DSCAM: variants seen among roughly 807,000 people sequenced by gnomAD.
The protein encoded by DSCAM is cell adhesion molecule DSCAM.
A neutral mutation model predicts 217.7 loss-of-function variants in DSCAM; 47 were observed. That is an observed-to-expected ratio of 0.22 (90% CI 0.17 to 0.28). The LOEUF is 0.28. DSCAM is among the 10% of genes least tolerant of loss of function. The pLI, the probability that DSCAM is intolerant of heterozygous loss-of-function variation, is 1.00. For missense variants in DSCAM, 2,080 were observed against 2,618.3 expected, an observed-to-expected ratio of 0.79 and a Z score of 4.49; for synonymous variants, 1,056 against 1,015.3, an observed-to-expected ratio of 1.04 and a Z score of -0.76.
chr21:40,069,190 G>A (rs1322918307), intron 27 of DSCAM, among the ~76,000 whole-genome samples: 1 of 152,182 alleles, frequency 6.6e-6, no homozygotes, highest in Non-Finnish European at 1.5e-5. Context: ...AAGGCAGGAT[G>A]GTGTATAGTG....
rs1361741908 is a variant in DSCAM, at chr21:40,051,945, G to A, written c.5185+13C>T. The A allele has an allele frequency of 6.2e-7, 1 of 1,607,132 alleles. No individual in the cohort carries two copies. Among genetic ancestry groups the A allele is most frequent in the African/African-American group, 1.3e-5 (1 of 74,586 alleles). On this transcript the variant is annotated intron_variant, in intron 30 of 32. Transcript: ENST00000400454. ...TTAACACCCACACATTTTAAGCATT[G>A]TTGACCACTCACTCGTTCCCGGCCG...
intron 1 of DSCAM, among the ~76,000 whole-genome samples, chr21:40,807,837 G>T (rs933562994): frequency 6.6e-6 from 1 of 152,094 alleles, no homozygotes; most frequent in Non-Finnish European, 1.5e-5. Flanking sequence ...ATCTGTCCGA[G>T]GGGTATTTTT....
Position 40,093,779 on chromosome 21 carries a change from A to G in DSCAM, c.3792T>C (p.Val1264=), listed in dbSNP as rs763046009. The change falls in exon 21 of 33, where the codon GTT becomes GTC. Residue 1264 remains valine (V), a synonymous_variant. Coordinates refer to ENST00000400454, the MANE Select transcript of DSCAM (RefSeq NM_001389.5). ...TGCTGTTGCCTCTTCCGGCTGAAGT[A>G]ACAGCCACCACCCAGACGCTGTACT... ...NRQYSVWVVA[V]TSAGRGNSSE... is the part of the protein sequence containing the mutation. 6.2e-7 allele frequency: 1 copy of G among 1,614,024 alleles called. No homozygotes were observed. The highest frequency in any genetic ancestry group is 8.5e-7 in the Non-Finnish European group (1 of 1,179,990).
intron 3 of DSCAM, among the ~76,000 whole-genome samples, chr21:40,372,368 T>C (rs1235916442): frequency 6.6e-6 from 1 of 152,222 alleles, no homozygotes; most frequent in Non-Finnish European, 1.5e-5. Context: ...TCATTCTGTC[T>C]CCCTTTGTGT....
At chr21:40,355,027 A>C (rs1170767322) in intron 4 of DSCAM, among the ~76,000 whole-genome samples, 1 of 152,098 alleles carries the variant, frequency 6.6e-6, no homozygotes, top group South Asian at 2.1e-4. Flanking sequence ...GTTAGGGACT[A>C]AAGGGAGAGT....
At chr21:40,197,931 A>G (rs968310200) in intron 11 of DSCAM, among the ~76,000 whole-genome samples, 1 of 152,194 alleles carries the variant, frequency 6.6e-6, no homozygotes, top group African/African-American at 2.4e-5. Context: ...CCCTTATAGT[A>G]GCGGAGGAGG....
At chr21:40,117,970 CAT>C (rs1453619741) in intron 20 of DSCAM, among the ~76,000 whole-genome samples, 13 of 145,650 alleles carry the variant, frequency 8.9e-5, no homozygotes, top group Admixed American at 5.4e-4. Context: ...CACACACACA[CAT>C]ACACACACGT....
Position 40,597,500 on chromosome 21 carries a change from C to CTTTTT in DSCAM, c.508+95305_508+95309dup, listed in dbSNP as rs10530311. On this transcript the variant is annotated intron_variant, in intron 3 of 32. Coordinates refer to ENST00000400454, the MANE Select transcript of DSCAM (RefSeq NM_001389.5). ...AACCTATCTTTTTTACAGTAATAGG[C>CTTTTT]TTTTTTTTTTTTTTTTTTTTTTTGG... Among the ~76,000 whole-genome samples the CTTTTT allele has an allele frequency of 9.4e-4, 71 of 75,852 alleles. 2 individuals carry two copies. The highest frequency in any genetic ancestry group is 4.2e-3 in the East Asian group (11 of 2,620). The allele number at this position is 75,852 out of a possible 152,430, so 49.8% of individuals were successfully genotyped here. A position where few individuals can be genotyped will look rare whatever the true frequency, so the allele number is the denominator to read the frequency against.
chr21:40,757,991 T>C (rs2091292424), intron 1 of DSCAM, among the ~76,000 whole-genome samples: 1 of 152,202 alleles, frequency 6.6e-6, no homozygotes, highest in Non-Finnish European at 1.5e-5. Flanking sequence ...GAGGTCATAC[T>C]GGATTACAAT....
At chr21:40,826,369 T>G (rs1019166598) in intron 1 of DSCAM, among the ~76,000 whole-genome samples, 1 of 149,820 alleles carries the variant, frequency 6.7e-6, no homozygotes, top group African/African-American at 2.5e-5. Flanking sequence ...GTGGAGGGGG[T>G]GGGGTGGGCC....
intron 10 of DSCAM, among the ~76,000 whole-genome samples, chr21:40,292,278 C>T (rs765346121): frequency 1.1e-4 from 16 of 150,784 alleles, no homozygotes; most frequent in African/African-American, 2.0e-4. Flanking sequence ...ATTCTGCCTC[C>T]CCTGAATTAA....
chr21:40,419,445 G>C (rs1259785353), intron 3 of DSCAM, among the ~76,000 whole-genome samples: 1 of 152,080 alleles, frequency 6.6e-6, no homozygotes, highest in South Asian at 2.1e-4. Flanking sequence ...AACTGTGCAG[G>C]CTGGTAAAAC....
intron 14 of DSCAM, among the ~76,000 whole-genome samples, chr21:40,185,026 C>A (rs2090878218): frequency 6.6e-6 from 1 of 152,150 alleles, no homozygotes; most frequent in Non-Finnish European, 1.5e-5. Flanking sequence ...GGGTGCGGTG[C>A]TGGGTGTTGG....
Position 40,372,984 on chromosome 21 carries a change from T to C in DSCAM, c.509-3739A>G, listed in dbSNP as rs578046477. On this transcript the variant is annotated intron_variant, in intron 3 of 32. Coordinates refer to ENST00000400454, the MANE Select transcript of DSCAM (RefSeq NM_001389.5). ...AGGGACACAAAACTACCAAAGAAAA[T>C]GGGGCATTAGCCCAGTAGGAAAATG... Among the ~76,000 whole-genome samples, 7 of 151,050 alleles carry C rather than the reference T, an allele frequency of 4.6e-5. 1 individual carries two copies. The South Asian group carries it at 1.5e-3, about 31-fold the overall frequency.
chr21:40,310,832 A>C (rs1488833349), intron 9 of DSCAM, among the ~76,000 whole-genome samples: 2 of 152,252 alleles, frequency 1.3e-5, no homozygotes, highest in Non-Finnish European at 2.9e-5. Context: ...GAAAAAATCA[A>C]GTATCCCAAT....
intron 3 of DSCAM, among the ~76,000 whole-genome samples, chr21:40,525,392 T>A (rs2076392860): frequency 6.6e-6 from 1 of 152,186 alleles, no homozygotes. Context: ...ACAGATGTGG[T>A]CAGGGACCAA....
At chr21:40,489,716 A>G (rs940602307) in intron 3 of DSCAM, among the ~76,000 whole-genome samples, 134 of 131,476 alleles carry the variant, frequency 1.0e-3, no homozygotes, top group African/African-American at 3.6e-3. Flanking sequence ...CGGAGCTTGC[A>G]GTGAGCCGAG....
At chr21:40,191,832 T>C (rs1297107777) in intron 11 of DSCAM, among the ~76,000 whole-genome samples, 1 of 152,208 alleles carries the variant, frequency 6.6e-6, no homozygotes, top group African/African-American at 2.4e-5. Context: ...TTCTGCCTTA[T>C]CTTCACATAA....
chr21:40,836,168 A>C (rs573841529), intron 1 of DSCAM, among the ~76,000 whole-genome samples: 1 of 152,040 alleles, frequency 6.6e-6, no homozygotes, highest in Non-Finnish European at 1.5e-5. Context: ...GAGTTACCCA[A>C]ATGGTTTCCC....
Sources: gnomAD v4.1 joint callset for allele counts (sites outside exome capture counted in the v4.1 genomes callset) on GRCh38, gnomAD v4.1.1 for gene constraint, MANE v1.5 for transcripts, NCBI Gene and HGNC (gene_info 2026-07-23, HGNC 2026-07-21) for gene names.